The following MARCHF1 variants were observed in gnomAD, a reference collection of about 807,000 sequenced individuals.
MARCHF1 encodes the protein E3 ubiquitin-protein ligase MARCHF1.
MARCHF1 carries 40 observed loss-of-function variants against 54.2 expected under a neutral mutation model. That is an observed-to-expected ratio of 0.74 (90% CI 0.57 to 0.96). The LOEUF (loss-of-function observed/expected upper bound fraction) is 0.96, where lower values mean the gene tolerates loss of function less well. Among genes scored for constraint, MARCHF1 ranks in the 40% least tolerant of loss-of-function variants. MARCHF1 has a pLI of 0.00. For missense variants in MARCHF1, 586 were observed against 656.5 expected (o/e 0.89, Z 1.17); for synonymous variants, 236 against 236.3 (o/e 1.00, Z 0.01).
At chr4:163,974,589 T>G (rs1452479787) in intron 3 of MARCHF1, among the ~76,000 whole-genome samples, 1 of 152,222 alleles carries the variant, frequency 6.6e-6, no homozygotes, top group Non-Finnish European at 1.5e-5. Context: ...ACAGAATTCA[T>G]AAGCATAGGA....
intron 4 of MARCHF1, among the ~76,000 whole-genome samples, chr4:163,728,622 G>T (rs979282708): frequency 6.6e-6 from 1 of 152,132 alleles, no homozygotes; most frequent in African/African-American, 2.4e-5. Context: ...ATAGAGGAAA[G>T]TAATTGACTT....
At chr4:163,794,616 T>C (rs753281875) in intron 4 of MARCHF1, among the ~76,000 whole-genome samples, 2 of 152,226 alleles carry the variant, frequency 1.3e-5, no homozygotes, top group African/African-American at 2.4e-5. Context: ...TATTCATTTC[T>C]GCCTATTTCC....
intron 2 of MARCHF1, among the ~76,000 whole-genome samples, chr4:163,998,890 T>C (rs977512804): frequency 6.6e-6 from 1 of 151,822 alleles, no homozygotes; most frequent in Non-Finnish European, 1.5e-5. Context: ...ATCTTAACTA[T>C]TGTGAATAGT....
intron 5 of MARCHF1, among the ~76,000 whole-genome samples, chr4:163,637,685 T>G (rs1167952719): frequency 2.7e-5 from 4 of 150,342 alleles, no homozygotes; most frequent in Admixed American, 2.6e-4. Flanking sequence ...GTCAGTGTGG[T>G]GATTCCTCAG....
intron 1 of MARCHF1, among the ~76,000 whole-genome samples, chr4:164,295,449 C>CAT (rs948873036): frequency 5.6e-5 from 1 of 17,820 alleles, no homozygotes; most frequent in African/African-American, 1.5e-4. Context: ...TACACACAAA[C>CAT]ACACACACAC....
chr4:164,247,899 C>T (rs762975203), intron 1 of MARCHF1, among the ~76,000 whole-genome samples: 4 of 150,290 alleles, frequency 2.7e-5, no homozygotes, highest in Non-Finnish European at 5.9e-5. Context: ...CCCTTTTTGA[C>T]AAGGAATTGG....
intron 2 of MARCHF1, among the ~76,000 whole-genome samples, chr4:164,106,612 G>T (rs1271858119): frequency 6.8e-6 from 1 of 146,490 alleles, no homozygotes; most frequent in Admixed American, 6.8e-5. Flanking sequence ...TCTGGGGACT[G>T]TTGTGGGGTA....
At chr4:164,074,397 G>A (rs543718578) in intron 2 of MARCHF1, among the ~76,000 whole-genome samples, 19 of 152,254 alleles carry the variant, frequency 1.2e-4, no homozygotes, top group African/African-American at 4.6e-4. Flanking sequence ...ACAGGTACAC[G>A]ATTTTAGAGT....
chr4:164,261,268 T>C (rs1190072853), intron 1 of MARCHF1, among the ~76,000 whole-genome samples: 1 of 152,132 alleles, frequency 6.6e-6, no homozygotes, highest in Non-Finnish European at 1.5e-5. Flanking sequence ...GGTACTTTAT[T>C]ACAGGAGCCC....
chr4:164,188,321 T>G, intron 1 of MARCHF1: 1 of 383,312 alleles, frequency 2.6e-6, no homozygotes, highest in Non-Finnish European at 5.0e-6. Flanking sequence ...TGCGCTCCTG[T>G]GCTGCGGCCG....
intron 1 of MARCHF1, among the ~76,000 whole-genome samples, chr4:164,334,817 T>C (rs890228211): frequency 1.3e-5 from 2 of 152,190 alleles, no homozygotes; most frequent in Non-Finnish European, 2.9e-5. Context: ...TAAGAACATT[T>C]GTGATTTATG....
intron 4 of MARCHF1, among the ~76,000 whole-genome samples, chr4:163,844,201 C>T (rs1749422718): frequency 6.6e-6 from 1 of 152,082 alleles, no homozygotes; most frequent in Non-Finnish European, 1.5e-5. Flanking sequence ...ATTCAGCTCC[C>T]ACTTACAAGT....
intron 3 of MARCHF1, among the ~76,000 whole-genome samples, chr4:163,868,064 T>A (rs1163268104): frequency 1.3e-5 from 2 of 151,944 alleles, no homozygotes; most frequent in Non-Finnish European, 2.9e-5. Context: ...TACTATTAGT[T>A]GTTAATTTTC....
chr4:163,678,047 T>C (rs74987566), intron 5 of MARCHF1, among the ~76,000 whole-genome samples: 2,767 of 152,284 alleles, frequency 0.018, 82 homozygotes, highest in African/African-American at 0.061. Flanking sequence ...ATGAAGAAGA[T>C]TGTGTTCTGG....
intron 1 of MARCHF1, among the ~76,000 whole-genome samples, chr4:164,244,722 A>G (rs1732885126): frequency 6.6e-6 from 1 of 152,094 alleles, no homozygotes; most frequent in South Asian, 2.1e-4. Flanking sequence ...AAGACAAATA[A>G]AGAAAAAAAG....
At chr4:163,556,100 A>AT (rs33943246) in intron 8 of MARCHF1, 221,626 of 352,840 alleles carry the variant, frequency 0.63, 70,771 homozygotes, top group East Asian at 0.68. Context: ...ACATTATTAG[A>AT]TTTTTTTTCG....
At chr4:163,549,096 C>T (rs1436959641) in intron 8 of MARCHF1, among the ~76,000 whole-genome samples, 1 of 152,196 alleles carries the variant, frequency 6.6e-6, no homozygotes, top group Non-Finnish European at 1.5e-5. Flanking sequence ...CTCTTCAGGT[C>T]CCCAAAGTGT....
chr4:163,781,195 A>G (rs1826643), intron 4 of MARCHF1, among the ~76,000 whole-genome samples: 11,005 of 152,240 alleles, frequency 0.072, 511 homozygotes, highest in South Asian at 0.11. Flanking sequence ...TACTGAAAAT[A>G]CAAAAATTAG....
At chr4:163,893,419 G>C (rs116358792) in intron 3 of MARCHF1, among the ~76,000 whole-genome samples, 1 of 152,114 alleles carries the variant, frequency 6.6e-6, no homozygotes, top group Admixed American at 6.6e-5. Context: ...GATTACAGGC[G>C]TGAGCCACAA....
Sources: gnomAD v4.1 joint callset for allele counts (sites outside exome capture counted in the v4.1 genomes callset) on GRCh38, gnomAD v4.1.1 for gene constraint, MANE v1.5 for transcripts, NCBI Gene and HGNC (gene_info 2026-07-23, HGNC 2026-07-21) for gene names.